The following MALAT1 variants were observed in gnomAD, a reference collection of about 807,000 sequenced individuals.
The protein encoded by MALAT1 is metastasis associated lung adenocarcinoma transcript 1, also known as hepcarcin.
At chr11:65,504,624 G>A (rs370082548) in intron 3 of MALAT1, 1 of 518,828 alleles carries the variant, frequency 1.9e-6, no homozygotes, top group Non-Finnish European at 3.8e-6. Flanking sequence ...ATTTCTGGTG[G>A]TGGGAGGGGA....
chr11:65,497,738 C>T (rs1854416135), exon 1 of MALAT1: 3 of 420,450 alleles, frequency 7.1e-6, no homozygotes, highest in Admixed American at 2.8e-5. Context: ...CTCTCCCCTC[C>T]GCAGCCTGCA....
At chr11:65,500,690 G>C in exon 3 of MALAT1, 1 of 518,956 alleles carries the variant, frequency 1.9e-6, no homozygotes, top group South Asian at 1.4e-5. Flanking sequence ...CGGAGGAGGC[G>C]AGCAGGCGTT....
exon 3 of MALAT1, chr11:65,500,564 T>TAGG (rs765170027): frequency 3.5e-5 from 18 of 518,500 alleles, no homozygotes; most frequent in Admixed American, 9.7e-5. Flanking sequence ...TGAAGGAAGC[T>TAGG]AGGAAGAAGG....
At chr11:65,505,473 A>G (rs775229218) in intron 3 of MALAT1, 1 of 513,162 alleles carries the variant, frequency 1.9e-6, no homozygotes, top group East Asian at 5.5e-5. Context: ...GGGGAGGGAA[A>G]GGGGGAAAGC....
exon 3 of MALAT1, chr11:65,503,356 C>T: frequency 1.9e-6 from 1 of 518,886 alleles, no homozygotes; most frequent in South Asian, 1.4e-5. Context: ...AATTGTAGGA[C>T]TTGTTCCTGT....
chr11:65,499,229 T>G (rs753445357), exon 3 of MALAT1: 5 of 504,636 alleles, frequency 9.9e-6, no homozygotes, highest in Non-Finnish European at 2.0e-5. Context: ...TAGCTTAAGA[T>G]TTTAAGAGAA....
At chr11:65,499,021 T>TA (rs754236742) in exon 3 of MALAT1, 1 of 518,766 alleles carries the variant, frequency 1.9e-6, no homozygotes, top group East Asian at 5.4e-5. Flanking sequence ...CGTCTATAAA[T>TA]ACGCCTCGCC....
intron 3 of MALAT1, chr11:65,504,334 G>C: frequency 1.9e-6 from 1 of 513,382 alleles, no homozygotes; most frequent in Non-Finnish European, 3.9e-6. Context: ...AGACTTCACA[G>C]AGAATGCAGT....
intron 1 of MALAT1, chr11:65,497,899 T>A: frequency 1.9e-6 from 1 of 518,674 alleles, no homozygotes; most frequent in Admixed American, 1.9e-5. Context: ...GGAGCCCAGG[T>A]TTCCCAGAGT....
chr11:65,505,333 A>AACTC (rs1565057193), intron 3 of MALAT1: 1 of 518,924 alleles, frequency 1.9e-6, no homozygotes, highest in Admixed American at 1.9e-5. Flanking sequence ...GACTTGCCTC[A>AACTC]ACTCCCTCTT....
intron 3 of MALAT1, chr11:65,506,189 A>C (rs370229856): frequency 6.9e-6 from 3 of 434,900 alleles, no homozygotes; most frequent in African/African-American, 2.1e-5. Context: ...TTTGACTACT[A>C]ATCTGTCTTC....
chr11:65,499,068 GGGCTTCTGCTGA>G (rs748339800), exon 3 of MALAT1: 2 of 518,082 alleles, frequency 3.9e-6, no homozygotes, highest in Admixed American at 3.9e-5. Context: ...GCCAGCGCAG[GGGCTTCTGCTGA>G]GGGGGCAGGC....
chr11:65,506,097 TA>T (rs11367099), intron 3 of MALAT1: 88,915 of 330,382 alleles, frequency 0.27, 2,666 homozygotes, highest in South Asian at 0.33. Flanking sequence ...TTTTCTAGCT[TA>T]AAAAAAAAAA....
exon 1 of MALAT1, chr11:65,497,791 C>T (rs764426579): frequency 3.2e-5 from 16 of 498,922 alleles, no homozygotes; most frequent in East Asian, 5.5e-5. Context: ...CAACTGGCCT[C>T]TCCTGCCCTC....
At chr11:65,500,406 A>G (rs1284803926) in exon 3 of MALAT1, 1 of 519,006 alleles carries the variant, frequency 1.9e-6, no homozygotes, top group Non-Finnish European at 3.8e-6. Flanking sequence ...CAGGTGCTAC[A>G]CAGAAGTGGA....
exon 3 of MALAT1, chr11:65,502,059 G>A (rs773399419): frequency 9.7e-6 from 5 of 517,478 alleles, no homozygotes; most frequent in Admixed American, 3.9e-5. Context: ...TGGGAAGCTG[G>A]GGGAAGTTAA....
exon 3 of MALAT1, chr11:65,500,131 A>T: frequency 2.0e-6 from 1 of 494,912 alleles, no homozygotes; most frequent in South Asian, 1.5e-5. Flanking sequence ...TTGAAGCTAG[A>T]AGGGGAAGTT....
chr11:65,503,024 C>G (rs1854589566), exon 3 of MALAT1: 1 of 505,090 alleles, frequency 2.0e-6, no homozygotes, highest in East Asian at 5.5e-5. Context: ...TACATTAATC[C>G]TGGAATAAAA....
rs758436798 is a variant in MALAT1, at chr11:65,502,852, A to ATTTAAAGTTACGGAATCTACCAT, written n.4126_4148dup. The ATTTAAAGTTACGGAATCTACCAT allele has an allele frequency of 3.6e-5, 18 of 499,346 alleles. No individual in the cohort carries two copies. In the East Asian group the frequency reaches 9.9e-4, roughly 28 times the overall value. The allele number at this position is 499,346 out of a possible 1,614,324, so 30.9% of individuals were successfully genotyped here. A position where few individuals can be genotyped will look rare whatever the true frequency, so the allele number is the denominator to read the frequency against. ...AATTTTAAGCAAATGAAAGCTACCA[A>ATTTAAAGTTACGGAATCTACCAT]TTTAAAGTTACGGAATCTACCATTT... On this transcript the variant is annotated non_coding_transcript_exon_variant, in exon 3 of 4. Transcript: ENST00000619449.
Sources: gnomAD v4.1 joint callset for allele counts on GRCh38, gnomAD v4.1.1 for gene constraint, MANE v1.5 for transcripts, NCBI Gene and HGNC (gene_info 2026-07-23, HGNC 2026-07-21) for gene names.